The following NBAS variants were observed in gnomAD, a reference collection of about 807,000 sequenced individuals.
The protein encoded by NBAS is NAG/BC035112 fusion.
In NBAS, 219 loss-of-function variants were observed where a neutral mutation model predicts 302.5. The observed-to-expected ratio is 0.72, with a 90% confidence interval of 0.65 to 0.81. The LOEUF (loss-of-function observed/expected upper bound fraction) is 0.81, where lower values mean the gene tolerates loss of function less well. NBAS is among the 30% of genes least tolerant of loss of function. The pLI is 0.00. For synonymous variants in NBAS, 1,118 were observed against 1,021.6 expected (o/e 1.09, Z -1.80); for missense variants, 2,932 against 2,841.6 (o/e 1.03, Z -0.72).
the NBAS span, among the ~76,000 whole-genome samples, chr2:14,897,524 CTT>C: frequency 7.2e-5 from 11 of 152,044 alleles, no homozygotes. Context: ...TGTCCTCTCT[CTT>C]GTCTTCACCC....
intron 51 of NBAS, among the ~76,000 whole-genome samples, chr2:15,168,260 C>T (rs978554159): frequency 6.6e-6 from 1 of 152,120 alleles, no homozygotes; most frequent in Admixed American, 6.5e-5. Context: ...AATTAACTAA[C>T]GTTTAGACCA....
Position 15,348,657 on chromosome 2 carries a change from G to C in NBAS, c.4179+3335C>G, listed in dbSNP as rs1209059960. On this transcript the variant is annotated intron_variant, in intron 35 of 51. Coordinates refer to ENST00000281513, the MANE Select transcript of NBAS (RefSeq NM_015909.4). ...CTGGCCAAAACATCACAGCACCTCAGTAGCACCACATGATGACTGAAAATC... is the reference window on the plus strand; with the variant it reads ...CTGGCCAAAACATCACAGCACCTCACTAGCACCACATGATGACTGAAAATC... 5.3e-5 allele frequency among the ~76,000 whole-genome samples: 8 copies of C among 151,232 alleles called. No homozygotes were observed. In the East Asian group the frequency reaches 1.6e-3, roughly 29 times the overall value.
intron 25 of NBAS, among the ~76,000 whole-genome samples, chr2:15,409,495 A>G (rs1216862283): frequency 1.3e-5 from 2 of 152,186 alleles, no homozygotes; most frequent in African/African-American, 4.8e-5. Context: ...CAATCCAGAA[A>G]ATTTCTTAGA....
At chr2:15,381,073 T>C (rs1675013799) in intron 29 of NBAS, among the ~76,000 whole-genome samples, 1 of 152,334 alleles carries the variant, frequency 6.6e-6, no homozygotes, top group Admixed American at 6.5e-5. Flanking sequence ...ACAATACGTC[T>C]AATCCAAATG....
At chr2:14,806,752 C>T in the NBAS span, among the ~76,000 whole-genome samples, 5 of 152,218 alleles carry the variant, frequency 3.3e-5, no homozygotes, top group Non-Finnish European at 7.3e-5. Context: ...GGAGGAAAAT[C>T]GGTTGGCAGG....
chr2:14,803,716 C>A, the NBAS span, among the ~76,000 whole-genome samples: 8 of 152,294 alleles, frequency 5.3e-5, no homozygotes, highest in East Asian at 1.5e-3. Flanking sequence ...ATGGCACAAT[C>A]TTGGCTCACT....
At chr2:15,297,466 C>G (rs763099330) in intron 40 of NBAS, among the ~76,000 whole-genome samples, 2 of 152,128 alleles carry the variant, frequency 1.3e-5, no homozygotes, top group African/African-American at 4.8e-5. Flanking sequence ...AGACTTCCCC[C>G]CTTGCTGTTC....
chr2:15,165,832 C>T (rs532214766), downstream of NBAS, among the ~76,000 whole-genome samples: 1 of 152,194 alleles, frequency 6.6e-6, no homozygotes, highest in African/African-American at 2.4e-5. Context: ...GCAAATTACT[C>T]CCTATAACAA....
intron 9 of NBAS, among the ~76,000 whole-genome samples, chr2:15,533,205 T>A (rs1436818943): frequency 6.6e-6 from 1 of 152,078 alleles, no homozygotes; most frequent in Non-Finnish European, 1.5e-5. Flanking sequence ...CTGGAAAACA[T>A]TTGACATTAT....
chr2:15,543,335 T>G lies in NBAS; in HGVS notation c.380-3979A>C, dbSNP rs532777820. On this transcript the variant is annotated intron_variant, in intron 6 of 51. Transcript: ENST00000281513. ...TTCATCTTTCAAGCTTCACTTTAAA[T>G]AGCACTTCCTTAGAAGGCATTCTGT... Among the ~76,000 whole-genome samples the G allele has an allele frequency of 2.2e-4, 34 of 152,330 alleles. 1 individual carries two copies. In the South Asian group the frequency reaches 6.8e-3, roughly 31 times the overall value.
rs76526835 is a variant in NBAS at position 15,254,413 on chromosome 2, G to A, written c.5725-15727C>T. On this transcript the variant is annotated intron_variant, in intron 44 of 51. Transcript: ENST00000281513. ...TAAACTCTTTCTTTACTGCAAAGCT[G>A]GGGTCTCCGTTTGTGCAGTGGTAGA... is the stretch of plus-strand genomic sequence containing the variant. Among the ~76,000 whole-genome samples, 47 of 152,294 alleles carry A rather than the reference G, an allele frequency of 3.1e-4. No individual in the cohort carries two copies. The East Asian group carries it at 7.9e-3, about 26-fold the overall frequency.
intron 38 of NBAS, among the ~76,000 whole-genome samples, chr2:15,323,306 T>C (rs1671908088): frequency 6.6e-6 from 1 of 152,144 alleles, no homozygotes; most frequent in Non-Finnish European, 1.5e-5. Flanking sequence ...TAGAAAATCC[T>C]CACAGCTTTG....
the NBAS span, among the ~76,000 whole-genome samples, chr2:14,795,493 G>C: frequency 1.5e-3 from 219 of 145,416 alleles, 1 homozygote; most frequent in Non-Finnish European, 3.4e-4. Flanking sequence ...ATATATTCTG[G>C]ATACAAGCCC....
At chr2:15,353,481 C>G (rs1673464731) in intron 34 of NBAS, 72 bp downstream of exon 34, 1 of 1,570,028 alleles carries the variant, frequency 6.4e-7, no homozygotes, top group Admixed American at 1.7e-5. Context: ...TAAGTGACCA[C>G]ATACCTCAGA....
At chr2:15,071,389 G>T in the NBAS span, among the ~76,000 whole-genome samples, 1 of 152,170 alleles carries the variant, frequency 6.6e-6, no homozygotes, top group Non-Finnish European at 1.5e-5. Context: ...ACTTTGGGAG[G>T]CCAAGGCGGG....
At chr2:14,814,850 G>C in the NBAS span, among the ~76,000 whole-genome samples, 1 of 152,204 alleles carries the variant, frequency 6.6e-6, no homozygotes, top group African/African-American at 2.4e-5. Flanking sequence ...TTGTGACCTT[G>C]AGTGTTGCAG....
chr2:15,148,272 G>T, the NBAS span, among the ~76,000 whole-genome samples: 1 of 152,094 alleles, frequency 6.6e-6, no homozygotes, highest in Non-Finnish European at 1.5e-5. Flanking sequence ...AGACCCAAAG[G>T]GTAGTCAGAC....
At chr2:15,200,002 A>C (rs1459097567) in intron 48 of NBAS, among the ~76,000 whole-genome samples, 1 of 150,408 alleles carries the variant, frequency 6.6e-6, no homozygotes, top group Admixed American at 6.7e-5. Flanking sequence ...TCCTGGGCTC[A>C]AGTGACCCTC....
intron 13 of NBAS, among the ~76,000 whole-genome samples, chr2:15,477,516 C>T (rs1680243518): frequency 6.6e-6 from 1 of 152,144 alleles, no homozygotes; most frequent in Admixed American, 6.5e-5. Context: ...CTGCCTTGGC[C>T]TCCCAAAATG....
Sources: gnomAD v4.1 joint callset for allele counts (sites outside exome capture counted in the v4.1 genomes callset) on GRCh38, gnomAD v4.1.1 for gene constraint, MANE v1.5 for transcripts, NCBI Gene and HGNC (gene_info 2026-07-23, HGNC 2026-07-21) for gene names.